Variants in FNDC3B observed in about 807,000 individuals in gnomAD.
FNDC3B encodes the protein fibronectin type III domain containing 3B, also known as fibronectin type III domain-containing protein 3B.
In FNDC3B, 12 loss-of-function variants were observed where a neutral mutation model predicts 151.5. That is an observed-to-expected ratio of 0.08 (90% CI 0.05 to 0.13). The LOEUF is 0.13. Ranked by LOEUF, FNDC3B falls within the 10% of genes least tolerant of loss-of-function variation. The pLI is 1.00. For missense variants in FNDC3B, 1,214 were observed against 1,505.3 expected (o/e 0.81, Z 3.20); for synonymous variants, 528 against 549.0 (o/e 0.96, Z 0.54).
At chr3:172,052,101 T>G (rs77239805) in intron 1 of FNDC3B, among the ~76,000 whole-genome samples, 1 of 152,018 alleles carries the variant, frequency 6.6e-6, no homozygotes, top group African/African-American at 2.4e-5. Flanking sequence ...TTTTTTTTTT[T>G]TGAGACAGGG....
intron 4 of FNDC3B, among the ~76,000 whole-genome samples, chr3:172,229,084 AACACACACAC>A (rs760446690): frequency 0.013 from 1,513 of 117,842 alleles, 12 homozygotes; most frequent in East Asian, 0.019. Flanking sequence ...GAAAGAAAGA[AACACACACAC>A]ACACACACAC....
At chr3:172,153,659 G>A (rs1722343488) in intron 3 of FNDC3B, among the ~76,000 whole-genome samples, 1 of 152,202 alleles carries the variant, frequency 6.6e-6, no homozygotes, top group Admixed American at 6.5e-5. Context: ...GGAAGGAGGA[G>A]GAAGAAAAAC....
chr3:172,119,980 T>C (rs940908783), intron 2 of FNDC3B, among the ~76,000 whole-genome samples: 1 of 152,218 alleles, frequency 6.6e-6, no homozygotes, highest in East Asian at 1.9e-4. Flanking sequence ...TTTTCAGATC[T>C]CTCTGAGTTA....
rs745985261 is a variant in FNDC3B at position 172,397,369 on chromosome 3, A to G, written c.3509A>G (p.Lys1170Arg). Reference protein sequence around the residue: ...DMGSLDDPKMKSMMPTDEQFA... With the variant: ...DMGSLDDPKMRSMMPTDEQFA... Reference sequence around the variant, plus strand: ...GGGAGCTTAGATGATCCCAAAATGAAGAGCATGATGCCTACTGATGAACAG... The same window carrying G: ...GGGAGCTTAGATGATCCCAAAATGAGGAGCATGATGCCTACTGATGAACAG... Residue 1170 changes from lysine (K) to arginine (R), a missense_variant, in exon 26 of 26, where the codon AAG (lysine) becomes AGG (arginine). Physicochemically the swap from Lys to Arg is conservative, Grantham distance 26. Around this residue, in one of 7 missense-constraint regions of FNDC3B, gnomAD observed 284 missense variants for 392.4 expected, o/e 0.72. Coordinates refer to ENST00000415807, the MANE Select transcript of FNDC3B (RefSeq NM_022763.4). 5 of 1,614,096 alleles carry G rather than the reference A, an allele frequency of 3.1e-6. No individual in the cohort carries two copies. The highest frequency in any genetic ancestry group is 3.4e-6 in the Non-Finnish European group (4 of 1,180,020).
Position 172,092,338 on chromosome 3 carries a change from G to T in FNDC3B, c.-28-20114G>T, listed in dbSNP as rs558772075. ...CCTGTCATATGCTGGACTCTACCTT[G>T]TGTTAGGTATACATTTTCTGAGCCT... is the stretch of plus-strand genomic sequence containing the variant. On this transcript the variant is annotated intron_variant, in intron 1 of 25. Transcript: ENST00000415807. 7.2e-5 allele frequency among the ~76,000 whole-genome samples: 11 copies of T among 152,304 alleles called. No individual in the cohort carries two copies. The East Asian group carries it at 2.1e-3, about 29-fold the overall frequency.
intron 3 of FNDC3B, among the ~76,000 whole-genome samples, chr3:172,138,571 G>A (rs2108581610): frequency 6.6e-6 from 1 of 152,198 alleles, no homozygotes; most frequent in East Asian, 1.9e-4. Flanking sequence ...TATTAATACT[G>A]TAATTTTTTA....
At chr3:172,227,979 T>C (rs542192661) in intron 4 of FNDC3B, among the ~76,000 whole-genome samples, 14 of 152,330 alleles carry the variant, frequency 9.2e-5, no homozygotes, top group Non-Finnish European at 1.6e-4. Context: ...TTCTCTGATA[T>C]AAAAACTTAC....
intron 3 of FNDC3B, among the ~76,000 whole-genome samples, chr3:172,139,171 CG>C (rs915538314): frequency 1.4e-4 from 22 of 151,854 alleles, no homozygotes; most frequent in African/African-American, 4.6e-4. Flanking sequence ...GGGACCTTAA[CG>C]TTGCTTTTTT....
intron 6 of FNDC3B, among the ~76,000 whole-genome samples, chr3:172,254,785 G>A (rs1728248761): frequency 6.6e-6 from 1 of 152,122 alleles, no homozygotes; most frequent in African/African-American, 2.4e-5. Flanking sequence ...GCACTCCCTT[G>A]GAGCTAATGG....
In FNDC3B at chr3:172,055,212, A is replaced by C. The variant is rs142418458; in HGVS notation, c.-29+15441A>C. Among the ~76,000 whole-genome samples the C allele has an allele frequency of 6.5e-3, 986 of 152,326 alleles. 7 individuals are homozygous for C. The highest frequency in any genetic ancestry group is 0.023 in the African/African-American group (943 of 41,568). On this transcript the variant is annotated intron_variant, in intron 1 of 25. Transcript: ENST00000415807. ...GAGAAGAAATGGATAACAATTTTTA[A>C]GGTTTATATTTTATTTCCGGCTTTG...
chr3:172,358,022 A>G (rs898975778), intron 22 of FNDC3B, among the ~76,000 whole-genome samples: 5 of 152,188 alleles, frequency 3.3e-5, no homozygotes, highest in African/African-American at 1.2e-4. Flanking sequence ...AAAAATGGTC[A>G]TTTGGTAGGA....
chr3:172,170,007 C>G (rs1189187274), intron 3 of FNDC3B, among the ~76,000 whole-genome samples: 1 of 152,150 alleles, frequency 6.6e-6, no homozygotes, highest in South Asian at 2.1e-4. Flanking sequence ...TGCTGTTTTA[C>G]ACAGAACTGG....
At chr3:172,372,743 CA>C (rs1163581115) in intron 23 of FNDC3B, among the ~76,000 whole-genome samples, 1 of 152,172 alleles carries the variant, frequency 6.6e-6, no homozygotes, top group Non-Finnish European at 1.5e-5. Flanking sequence ...TTCAGATCCC[CA>C]AAAGGTGACC....
intron 23 of FNDC3B, 61 bp downstream of exon 23, chr3:172,362,906 T>C (rs1734436016): frequency 2.3e-6 from 3 of 1,299,408 alleles, no homozygotes; most frequent in Non-Finnish European, 2.2e-6. Flanking sequence ...GGATGAAATC[T>C]CAATTGTACA....
intron 1 of FNDC3B, among the ~76,000 whole-genome samples, chr3:172,073,072 A>C (rs1717855411): frequency 6.6e-6 from 1 of 152,204 alleles, no homozygotes; most frequent in South Asian, 2.1e-4. Context: ...TGCAGACATA[A>C]TTAAACATGT....
intron 2 of FNDC3B, among the ~76,000 whole-genome samples, chr3:172,128,408 AG>A (rs1335638307): frequency 1.3e-5 from 2 of 152,178 alleles, no homozygotes; most frequent in African/African-American, 4.8e-5. Context: ...TGGAGAAAAG[AG>A]GGGGCTCAAA....
intron 23 of FNDC3B, 112 bp downstream of exon 23, chr3:172,362,957 A>C (rs1472679554): frequency 2.4e-6 from 2 of 816,638 alleles, no homozygotes; most frequent in Admixed American, 2.6e-5. Context: ...CTTCTTGTTC[A>C]GAGGCTTCCT....
At chr3:172,118,810 A>G (rs553128023) in intron 2 of FNDC3B, among the ~76,000 whole-genome samples, 1 of 152,290 alleles carries the variant, frequency 6.6e-6, no homozygotes, top group South Asian at 2.1e-4. Flanking sequence ...TACCACTCAA[A>G]TTTATAAAGC....
intron 3 of FNDC3B, among the ~76,000 whole-genome samples, chr3:172,167,166 C>T (rs899019915): frequency 3.3e-5 from 5 of 152,252 alleles, no homozygotes; most frequent in South Asian, 2.1e-4. Context: ...GAGGCTGAGG[C>T]GGGCGGATCA....
Sources: gnomAD v4.1 joint callset for allele counts (sites outside exome capture counted in the v4.1 genomes callset) on GRCh38, gnomAD v4.1.1 for gene constraint, gnomAD v4.1.1 regional missense constraint, MANE v1.5 for transcripts, NCBI Gene and HGNC (gene_info 2026-07-23, HGNC 2026-07-21) for gene names.